The following ASCL1 variants were observed in gnomAD, a reference collection of about 807,000 sequenced individuals.
ASCL1 encodes the protein achaete-scute homolog 1.
In ASCL1, 2 loss-of-function variants were observed where a neutral mutation model predicts 16.1. The observed-to-expected ratio is 0.12, with a 90% CI of 0.05 to 0.39. ASCL1 has a LOEUF of 0.39. ASCL1 is among the 10% of genes least tolerant of loss of function. The probability of loss-of-function intolerance (pLI) is 0.99; values close to 1 mark genes in which losing one functional copy is unlikely to be tolerated. For synonymous variants in ASCL1, 165 were observed against 155.7 expected, an observed-to-expected ratio of 1.06 and a Z score of -0.45; for missense variants, 276 against 336.9, an observed-to-expected ratio of 0.82 and a Z score of 1.41.
rs71438488 is a variant in ASCL1, at chr12:102,958,429, A to AGCAGCAGCT, written c.186_187insCAGCAGCTG (p.Gln62_Ala63insGlnGlnLeu). ...CAGCAGCAGCAGCAGCAGCAGCAGC[A>AGCAGCAGCT]GGCGCCGCAGCTGAGACCGGCGGCC... On this transcript the variant is annotated inframe_insertion, in exon 1 of 2. Transcript: ENST00000266744. 1.9e-6 allele frequency: 3 copies of AGCAGCAGCT among 1,548,802 alleles called. No individual in the cohort carries two copies. The South Asian group carries it at 3.6e-5, about 18-fold the overall frequency.
At position 102,958,761 on chromosome 12, in the gene ASCL1, C is replaced by T. The variant is rs1305511230; in HGVS notation, c.517C>T (p.Leu173=). The change falls in exon 1 of 2, where the codon CTG becomes TTG. Residue 173 remains leucine, a synonymous_variant. Coordinates refer to ENST00000266744, the MANE Select transcript of ASCL1 (RefSeq NM_004316.4). ...CGAGTACATCCGCGCGCTGCAGCAG[C>T]TGCTGGACGAGCATGACGCGGTGAG... ...AVEYIRALQQ[L]LDEHDAVSAA... 3.1e-6 allele frequency: 5 copies of T among 1,614,024 alleles called. No individual in the cohort carries two copies. Among genetic ancestry groups the T allele is most frequent in the Non-Finnish European group, 4.2e-6 (5 of 1,180,054 alleles).
In ASCL1 at chr12:102,959,569, C is replaced by T. The variant is rs990778484; in HGVS notation, c.*255C>T. 2 of 152,914 alleles carry T rather than the reference C, an allele frequency of 1.3e-5. No individual in the cohort carries two copies. The highest frequency in any genetic ancestry group is 2.9e-5 in the Non-Finnish European group (2 of 68,618). The allele number at this position is 152,914 out of a possible 1,614,324, so 9.5% of individuals were successfully genotyped here. A position where few individuals can be genotyped will look rare whatever the true frequency, so the allele number is the denominator to read the frequency against. On this transcript the variant is annotated 3_prime_UTR_variant, in exon 2 of 2. Transcript: ENST00000266744. ...GGAAGCGCTCAGAACAGTATCTTTG[C>T]ACTCCAATCATTCACGGAGATATGA...
intron 1 of ASCL1, 44 bp downstream of exon 1, chr12:102,959,046 G>A: frequency 2.6e-6 from 4 of 1,568,308 alleles, no homozygotes; most frequent in Non-Finnish European, 1.7e-6. Context: ...TCTTGCCTTC[G>A]TCCTCCCTCT....
rs1242177919 is a variant in ASCL1 at position 102,960,366 on chromosome 12, G to A, written c.*1052G>A. 1.3e-5 allele frequency: 2 copies of A among 152,390 alleles called. No individual in the cohort carries two copies. The highest frequency in any genetic ancestry group is 4.8e-5 in the African/African-American group (2 of 41,346). 9.4% of individuals were successfully genotyped at this position (152,390 alleles called of 1,614,324 possible). On this transcript the variant is annotated 3_prime_UTR_variant, in exon 2 of 2. Coordinates refer to ENST00000266744, the MANE Select transcript of ASCL1 (RefSeq NM_004316.4). The stretch of plus-strand genomic sequence containing the variant: ...CTGTCCAAACTCAAAGTGGCAGCCA[G>A]TTGGTTTTGATAGGTTGCCTTTTGG...
Position 102,959,018 on chromosome 12 carries a change from G to T in ASCL1, c.*47+16G>T. On this transcript the variant is annotated intron_variant, in intron 1 of 1. Transcript: ENST00000266744. ...TTGGAAGCAGGTAGGTTGCATTTTG[G>T]GGTGGGCAGGGGGGTATTCTTGCCT... is the stretch of plus-strand genomic sequence containing the variant. 1 of 1,608,406 alleles carries T rather than the reference G, an allele frequency of 6.2e-7. No individual in the cohort carries two copies. Among genetic ancestry groups the T allele is most frequent in the Non-Finnish European group, 8.5e-7 (1 of 1,178,666 alleles).
In ASCL1 at chr12:102,958,384, C is replaced by T; in HGVS notation, c.140C>T (p.Ala47Val). ...AAAAAAAAAA[A>V]QSAQQQQQQQ... is the part of the protein sequence containing the mutation. ...GCGGCCGCAGCCGCCGCAGCGGCAG[C>T]GCAGAGCGCGCAGCAGCAGCAGCAG... Residue 47 changes from alanine (A) to valine (V), a missense_variant, in exon 1 of 2, where the codon GCG becomes GTG. Transcript: ENST00000266744. 21 of 1,493,848 alleles carry T rather than the reference C, an allele frequency of 1.4e-5. No individual in the cohort carries two copies. The highest frequency in any genetic ancestry group is 1.7e-5 in the Non-Finnish European group (19 of 1,123,012). The allele number at this position is 1,493,848 out of a possible 1,614,324, so 92.5% of individuals were successfully genotyped here. A position where few individuals can be genotyped will look rare whatever the true frequency, so the allele number is the denominator to read the frequency against.
At position 102,958,171 on chromosome 12, in the gene ASCL1, G is replaced by A; in HGVS notation, c.-74G>A. ...CTGTTCCTGCACCCAAGTTCTCTCT[G>A]TGTCCCCCTCGCGGGCCCCGCACCT... On this transcript the variant is annotated 5_prime_UTR_variant, in exon 1 of 2. The change creates a new upstream start codon in the 5' untranslated region. Coordinates refer to ENST00000266744, the MANE Select transcript of ASCL1 (RefSeq NM_004316.4). 1 of 1,206,204 alleles carries A rather than the reference G, an allele frequency of 8.3e-7. No homozygotes were observed. The allele number at this position is 1,206,204 out of a possible 1,614,324, so 74.7% of individuals were successfully genotyped here.
chr12:102,958,747 G>T lies in ASCL1; in HGVS notation c.503G>T (p.Arg168Leu). 6.2e-7 allele frequency: 1 copy of T among 1,614,110 alleles called. No individual in the cohort carries two copies. The highest frequency in any genetic ancestry group is 8.5e-7 in the Non-Finnish European group (1 of 1,180,042). Residue 168 changes from arginine (R) to leucine (L), a missense_variant, in exon 1 of 2, where the codon CGC (arginine) becomes CTC (leucine). By Grantham distance (102) the Arg-to-Leu change is moderately radical. Coordinates refer to ENST00000266744, the MANE Select transcript of ASCL1 (RefSeq NM_004316.4). ...ETLRSAVEYI[R>L]ALQQLLDEHD... ...CTGCGCTCGGCGGTCGAGTACATCCGCGCGCTGCAGCAGCTGCTGGACGAG... is the reference window on the plus strand; with the variant it reads ...CTGCGCTCGGCGGTCGAGTACATCCTCGCGCTGCAGCAGCTGCTGGACGAG...
Position 102,960,314 on chromosome 12 carries a change from T to C in ASCL1, c.*1000T>C, listed in dbSNP as rs900385484. ...TATTAATGATGTTATTAAATACTGT[T>C]CAAGAAGAACAAAGTTTATGCAGCT... On this transcript the variant is annotated 3_prime_UTR_variant, in exon 2 of 2. Transcript: ENST00000266744. 1.3e-5 allele frequency: 2 copies of C among 152,662 alleles called. No individual in the cohort carries two copies. Among genetic ancestry groups the C allele is most frequent in the African/African-American group, 4.8e-5 (2 of 41,460 alleles). The allele number at this position is 152,662 out of a possible 1,614,324, so 9.5% of individuals were successfully genotyped here.
In ASCL1 at chr12:102,958,519, C is replaced by T. The variant is rs1593012553; in HGVS notation, c.275C>T (p.Ser92Phe). 1 of 1,607,562 alleles carries T rather than the reference C, an allele frequency of 6.2e-7. No homozygotes were observed. The highest frequency in any genetic ancestry group is 8.5e-7 in the Non-Finnish European group (1 of 1,177,286). Residue 92 changes from serine to phenylalanine, a missense_variant, in exon 1 of 2, where the codon TCT (serine) becomes TTT (phenylalanine). By Grantham distance (155) the Ser-to-Phe change is radical. Coordinates refer to ENST00000266744, the MANE Select transcript of ASCL1 (RefSeq NM_004316.4). ...APKQVKRQRS[S>F]SPELMRCKRR... ...AAGCAAGTCAAGCGACAGCGCTCGTCTTCGCCCGAACTGATGCGCTGCAAA... is the reference window on the plus strand; with the variant it reads ...AAGCAAGTCAAGCGACAGCGCTCGTTTTCGCCCGAACTGATGCGCTGCAAA...
At position 102,958,427 on chromosome 12, in the gene ASCL1, G is replaced by A. The variant is rs1880009158; in HGVS notation, c.183G>A (p.Gln61=). The change falls in exon 1 of 2, where the codon CAG becomes CAA. Residue 61 remains glutamine, a synonymous_variant. Transcript: ENST00000266744. ...QQQQQQQQQQ[Q]QAPQLRPAAD... ...AGCAGCAGCAGCAGCAGCAGCAGCA[G>A]CAGGCGCCGCAGCTGAGACCGGCGG... The A allele has an allele frequency of 1.3e-6, 2 of 1,548,524 alleles. No individual in the cohort carries two copies. The highest frequency in any genetic ancestry group is 8.7e-7 in the Non-Finnish European group (1 of 1,147,854).
At position 102,958,392 on chromosome 12, in the gene ASCL1, G is replaced by C; in HGVS notation, c.148G>C (p.Ala50Pro). ...AAAAAAAAQS[A>P]QQQQQQQQQQ... is the part of the protein sequence containing the mutation. ...AGCCGCCGCAGCGGCAGCGCAGAGC[G>C]CGCAGCAGCAGCAGCAGCAGCAGCA... is the stretch of plus-strand genomic sequence containing the variant. The change falls in exon 1 of 2, where the codon GCG becomes CCG. Residue 50 changes from alanine (A) to proline (P), a missense_variant. Ala to Pro is a conservative substitution (Grantham distance 27, BLOSUM62 -1). Around this residue, in one of 3 missense-constraint regions of ASCL1, gnomAD observed 178 missense variants for 167.0 expected, o/e 1.07. Transcript: ENST00000266744. 1.4e-6 allele frequency: 2 copies of C among 1,392,836 alleles called. No individual in the cohort carries two copies. Among genetic ancestry groups the C allele is most frequent in the Non-Finnish European group, 1.9e-6 (2 of 1,062,224 alleles). The allele number at this position is 1,392,836 out of a possible 1,614,324, so 86.3% of individuals were successfully genotyped here. A position where few individuals can be genotyped will look rare whatever the true frequency, so the allele number is the denominator to read the frequency against.
rs775736920 is a variant in ASCL1, at chr12:102,958,859, C to T, written c.615C>T (p.Ala205=). ...ACTCCAACGACTTGAACTCCATGGC[C>T]GGCTCGCCGGTCTCATCCTACTCGT... is the stretch of plus-strand genomic sequence containing the variant. ...PNYSNDLNSM[A]GSPVSSYSSD... The change falls in exon 1 of 2, where the codon GCC becomes GCT. Residue 205 remains alanine (A), a synonymous_variant. Coordinates refer to ENST00000266744, the MANE Select transcript of ASCL1 (RefSeq NM_004316.4). 1 of 1,613,882 alleles carries T rather than the reference C, an allele frequency of 6.2e-7. No individual in the cohort carries two copies. Among genetic ancestry groups the T allele is most frequent in the Non-Finnish European group, 8.5e-7 (1 of 1,179,924 alleles).
chr12:102,957,975 C>G lies in ASCL1; in HGVS notation c.-270C>G, dbSNP rs1247512814. On this transcript the variant is annotated 5_prime_UTR_variant, in exon 1 of 2. Transcript: ENST00000266744. This position sits in a 1 kb window ranked among gnomAD's most constrained non-coding sequence, Gnocchi z 4.1. ...ACACGCGAGCGCCACGCGAGGCTCC[C>G]GAAGCCAACCCGCGAAGGGAGGAGG... The G allele has an allele frequency of 3.1e-6, 1 of 319,244 alleles. No individual in the cohort carries two copies. Among genetic ancestry groups the G allele is most frequent in the African/African-American group, 2.2e-5 (1 of 46,270 alleles). The allele number at this position is 319,244 out of a possible 1,614,324, so 19.8% of individuals were successfully genotyped here. A position where few individuals can be genotyped will look rare whatever the true frequency, so the allele number is the denominator to read the frequency against.
In ASCL1 at chr12:102,958,263, A is replaced by T. The variant is rs764852842; in HGVS notation, c.19A>T (p.Met7Leu). Residue 7 changes from methionine (M) to leucine (L), a missense_variant, in exon 1 of 2, where the codon ATG (methionine) becomes TTG (leucine). Physicochemically the swap from Met to Leu is conservative, Grantham distance 15 (BLOSUM62 2). Coordinates refer to ENST00000266744, the MANE Select transcript of ASCL1 (RefSeq NM_004316.4). MESSAK[M>L]ESGGAGQQPQ... ...GCTGCGCATGGAAAGCTCTGCCAAG[A>T]TGGAGAGCGGCGGCGCCGGCCAGCA... is the stretch of plus-strand genomic sequence containing the variant. 2 of 1,474,994 alleles carry T rather than the reference A, an allele frequency of 1.4e-6. No individual in the cohort carries two copies. The highest frequency in any genetic ancestry group is 2.6e-5 in the South Asian group (2 of 76,412). The allele number at this position is 1,474,994 out of a possible 1,614,324, so 91.4% of individuals were successfully genotyped here.
chr12:102,959,320 A>G (rs2136786649), intron 1 of ASCL1, 42 bp from the exon 2 acceptor site: 1 of 308,648 alleles, frequency 3.2e-6, no homozygotes, highest in African/African-American at 2.2e-5. Flanking sequence ...ACTAGCCTAC[A>G]CGTTCAAATT....
rs1465384485 is a variant in ASCL1, at chr12:102,958,535, G to A, written c.291G>A (p.Met97Ile). Residue 97 changes from methionine to isoleucine, a missense_variant, in exon 1 of 2, where the codon ATG becomes ATA. This residue lies in a region of ASCL1 where 178 missense variants were observed against 167.0 expected (regional missense o/e 1.07). Coordinates refer to ENST00000266744, the MANE Select transcript of ASCL1 (RefSeq NM_004316.4). ...KRQRSSSPEL[M>I]RCKRRLNFSG... The stretch of plus-strand genomic sequence containing the variant: ...AGCGCTCGTCTTCGCCCGAACTGAT[G>A]CGCTGCAAACGCCGGCTCAACTTCA... 2.5e-6 allele frequency: 4 copies of A among 1,609,756 alleles called. No individual in the cohort carries two copies. Among genetic ancestry groups the A allele is most frequent in the South Asian group, 1.1e-5 (1 of 90,534 alleles).
rs1439420830 is a variant in ASCL1 at position 102,958,210 on chromosome 12, G to A, written c.-35G>A. The A allele has an allele frequency of 2.8e-6, 4 of 1,441,250 alleles. No individual in the cohort carries two copies. The highest frequency in any genetic ancestry group is 5.3e-5 in the Admixed American group (2 of 37,554). 89.3% of individuals were successfully genotyped at this position (1,441,250 alleles called of 1,614,324 possible). On this transcript the variant is annotated 5_prime_UTR_variant, in exon 1 of 2. Coordinates refer to ENST00000266744, the MANE Select transcript of ASCL1 (RefSeq NM_004316.4). ...GGCCCCGCACCTCGCGTCCCGGATCGCTCTGATTCCGCGACTCCTTGGCCG... is the reference window on the plus strand; with the variant it reads ...GGCCCCGCACCTCGCGTCCCGGATCACTCTGATTCCGCGACTCCTTGGCCG...
chr12:102,958,506 C>A lies in ASCL1; in HGVS notation c.262C>A (p.Arg88=), dbSNP rs753151303. The change falls in exon 1 of 2, where the codon CGA becomes AGA. Residue 88 remains arginine (R), a synonymous_variant. Coordinates refer to ENST00000266744, the MANE Select transcript of ASCL1 (RefSeq NM_004316.4). ...CAAGTCAGCGCCCAAGCAAGTCAAG[C>A]GACAGCGCTCGTCTTCGCCCGAACT... ...GHKSAPKQVK[R]QRSSSPELMR... is the part of the protein sequence containing the mutation. 199 of 1,599,826 alleles carry A rather than the reference C, an allele frequency of 1.2e-4. No individual in the cohort carries two copies. The highest frequency in any genetic ancestry group is 1.7e-4 in the Non-Finnish European group (196 of 1,173,696).
Sources: allele counts gnomAD v4.1 joint callset, GRCh38; gene constraint gnomAD v4.1.1; regional missense constraint gnomAD v4.1.1; non-coding constraint Gnocchi (gnomAD v3.1); transcripts MANE v1.5; gene names NCBI Gene and HGNC (gene_info 2026-07-23, HGNC 2026-07-21).